TANGO6: variants seen among roughly 807,000 people sequenced by gnomAD.
The protein encoded by TANGO6 is transport and Golgi organization protein 6 homolog.
A neutral mutation model predicts 114.2 loss-of-function variants in TANGO6; 90 were observed. The observed-to-expected ratio is 0.79, with a 90% CI of 0.66 to 0.94. The LOEUF (loss-of-function observed/expected upper bound fraction) is 0.94, where lower values mean the gene tolerates loss of function less well. Among genes scored for constraint, TANGO6 ranks in the 40% least tolerant of loss-of-function variants. TANGO6 has a pLI of 0.00. For missense variants in TANGO6, 1,274 were observed against 1,315.3 expected, an observed-to-expected ratio of 0.97 and a Z score of 0.49; for synonymous variants, 477 against 509.8, an observed-to-expected ratio of 0.94 and a Z score of 0.87.
At chr16:69,076,385 C>G (rs1223393023) in intron 17 of TANGO6, among the ~76,000 whole-genome samples, 1 of 152,110 alleles carries the variant, frequency 6.6e-6, no homozygotes, top group Non-Finnish European at 1.5e-5. Context: ...AGCCACCGTG[C>G]CCAGCCTCAT....
chr16:69,067,549 G>A (rs998078709), intron 17 of TANGO6, among the ~76,000 whole-genome samples: 24 of 126,482 alleles, frequency 1.9e-4, no homozygotes, highest in East Asian at 2.1e-4. Context: ...GCTGGGCGCC[G>A]TGGCACACGC....
At chr16:68,968,795 C>T (rs879493434) in intron 14 of TANGO6, among the ~76,000 whole-genome samples, 19 of 151,646 alleles carry the variant, frequency 1.3e-4, no homozygotes, top group Non-Finnish European at 2.6e-4. Flanking sequence ...CTCAGCCTCC[C>T]GAGTAGCTGG....
chr16:68,952,935 T>A (rs559853343), intron 14 of TANGO6, among the ~76,000 whole-genome samples: 4 of 152,138 alleles, frequency 2.6e-5, no homozygotes, highest in Non-Finnish European at 5.9e-5. Context: ...CCACTATTGA[T>A]AACCTTTAAA....
chr16:68,883,954 G>C (rs977716604), intron 7 of TANGO6, among the ~76,000 whole-genome samples: 9 of 151,970 alleles, frequency 5.9e-5, no homozygotes, highest in African/African-American at 2.2e-4. Flanking sequence ...CTGTTACCCA[G>C]GGTGGAGTGC....
At chr16:68,922,987 G>T (rs1963117247) in intron 12 of TANGO6, among the ~76,000 whole-genome samples, 1 of 114,770 alleles carries the variant, frequency 8.7e-6, no homozygotes, top group East Asian at 2.7e-4. Context: ...TTCGCTCGTT[G>T]CCCAGGCTGG....
intron 12 of TANGO6, among the ~76,000 whole-genome samples, chr16:68,925,039 G>T (rs1335450172): frequency 2.0e-5 from 3 of 151,972 alleles, no homozygotes; most frequent in Non-Finnish European, 4.4e-5. Context: ...AGCCTGGTGT[G>T]GTGGCTCACG....
chr16:68,905,585 A>G (rs1427698483), intron 9 of TANGO6, among the ~76,000 whole-genome samples: 2 of 152,000 alleles, frequency 1.3e-5, no homozygotes, highest in African/African-American at 4.8e-5. Flanking sequence ...AGGTGTATAT[A>G]TATGTATACA....
intron 14 of TANGO6, among the ~76,000 whole-genome samples, chr16:68,958,684 C>T (rs896058756): frequency 6.6e-6 from 1 of 152,128 alleles, no homozygotes; most frequent in African/African-American, 2.4e-5. Flanking sequence ...GTGATCCCAG[C>T]ACTGTGGGAG....
intron 15 of TANGO6, among the ~76,000 whole-genome samples, chr16:69,011,257 G>A (rs1964140769): frequency 6.6e-6 from 1 of 152,036 alleles, no homozygotes; most frequent in South Asian, 2.1e-4. Flanking sequence ...GAAAAGGGGG[G>A]GCAGGAGGAG....
intron 17 of TANGO6, among the ~76,000 whole-genome samples, chr16:69,075,598 C>T (rs1960362133): frequency 6.6e-6 from 1 of 151,476 alleles, no homozygotes; most frequent in Non-Finnish European, 1.5e-5. Context: ...GGACTACAGG[C>T]ACACCCCACC....
intron 14 of TANGO6, among the ~76,000 whole-genome samples, chr16:68,966,049 T>C (rs1351246054): frequency 2.0e-5 from 3 of 151,120 alleles, no homozygotes; most frequent in Non-Finnish European, 4.4e-5. Context: ...TTAGGTAACA[T>C]AGTAAGACCT....
intron 14 of TANGO6, chr16:68,973,159 C>A (rs1163017197): frequency 2.2e-6 from 1 of 455,794 alleles, no homozygotes; most frequent in East Asian, 6.9e-5. Context: ...AGCAGGGAGA[C>A]CAATGAGGGG....
chr16:69,053,845 C>T (rs1397887370), intron 17 of TANGO6, among the ~76,000 whole-genome samples: 3 of 152,136 alleles, frequency 2.0e-5, no homozygotes, highest in African/African-American at 7.2e-5. Flanking sequence ...GGGTGGATCA[C>T]CTGAGATCAG....
intron 16 of TANGO6, 45 bp downstream of exon 16, chr16:69,023,024 A>T (rs371531310): frequency 2.0e-6 from 3 of 1,494,840 alleles, no homozygotes; most frequent in Non-Finnish European, 2.7e-6. Flanking sequence ...TTTCACTTGG[A>T]CCTACGATGC....
intron 15 of TANGO6, among the ~76,000 whole-genome samples, chr16:68,996,884 A>T (rs1381935539): frequency 6.6e-6 from 1 of 152,234 alleles, no homozygotes; most frequent in Non-Finnish European, 1.5e-5. Flanking sequence ...GAGATCCTGG[A>T]GCCTGGAAAG....
At chr16:69,082,483 A>G (rs1261515795) in intron 17 of TANGO6, among the ~76,000 whole-genome samples, 1 of 151,530 alleles carries the variant, frequency 6.6e-6, no homozygotes, top group Non-Finnish European at 1.5e-5. Context: ...GGGGTGGCTC[A>G]TGCCTGTAAT....
chr16:69,067,126 G>A (rs1960224270), intron 17 of TANGO6, among the ~76,000 whole-genome samples: 1 of 152,036 alleles, frequency 6.6e-6, no homozygotes, highest in African/African-American at 2.4e-5. Context: ...CAAACTCCTG[G>A]GCTCAAGCAA....
At chr16:69,014,813 T>C (rs562897393) in intron 15 of TANGO6, among the ~76,000 whole-genome samples, 3 of 151,934 alleles carry the variant, frequency 2.0e-5, no homozygotes, top group African/African-American at 7.2e-5. Flanking sequence ...AGAGGATCTC[T>C]TGAGCCCAGG....
intron 15 of TANGO6, among the ~76,000 whole-genome samples, chr16:69,010,622 T>C (rs1964134929): frequency 6.6e-6 from 1 of 152,150 alleles, no homozygotes; most frequent in Non-Finnish European, 1.5e-5. Context: ...CCTATGAGAA[T>C]CCTTACCATT....
Sources: gnomAD v4.1 joint callset for allele counts (sites outside exome capture counted in the v4.1 genomes callset) on GRCh38, gnomAD v4.1.1 for gene constraint, MANE v1.5 for transcripts, NCBI Gene and HGNC (gene_info 2026-07-23, HGNC 2026-07-21) for gene names.